OSBPL6: variants seen among roughly 807,000 people sequenced by gnomAD.
OSBPL6 encodes the protein oxysterol-binding protein-related protein 6.
Under a neutral mutation model 125.8 loss-of-function variants are expected in OSBPL6, and 49 were observed. The ratio of observed to expected loss-of-function variants is 0.39; its 90% CI spans 0.31 to 0.49. The LOEUF is 0.49. OSBPL6 is among the 20% of genes least tolerant of loss of function. The pLI, the probability that OSBPL6 is intolerant of heterozygous loss-of-function variation, is 0.88. For synonymous variants in OSBPL6, 394 were observed against 391.8 expected (o/e 1.01, Z -0.07); for missense variants, 986 against 1,135.4 (o/e 0.87, Z 1.89).
At chr2:178,359,293 G>A (rs1369015913) in intron 12 of OSBPL6, among the ~76,000 whole-genome samples, 1 of 152,126 alleles carries the variant, frequency 6.6e-6, no homozygotes, top group African/African-American at 2.4e-5. Flanking sequence ...TGACCAACAA[G>A]TACATAAAAA....
Position 178,399,517 on chromosome 2 carries a change from T to G in OSBPL6, c.*3958T>G, listed in dbSNP as rs769139410. On this transcript the variant is annotated 3_prime_UTR_variant, in exon 25 of 25. Transcript: ENST00000190611. ...CAAATTATCTAAGAAAGACTTAGCT[T>G]TATTACGTCCAAAATGAGATCTAAA... The G allele has an allele frequency of 3.3e-5, 5 of 152,222 alleles. No homozygotes were observed. Among genetic ancestry groups the G allele is most frequent in the Admixed American group, 6.5e-5 (1 of 15,280 alleles). 9.4% of individuals were successfully genotyped at this position (152,222 alleles called of 1,614,324 possible).
At chr2:178,351,990 A>C (rs1040166609) in intron 12 of OSBPL6, among the ~76,000 whole-genome samples, 7 of 152,206 alleles carry the variant, frequency 4.6e-5, no homozygotes, top group African/African-American at 1.7e-4. Context: ...CCAAACCTAA[A>C]ATAACAGCTA....
At chr2:178,317,437 CAT>C (rs6147046) in intron 3 of OSBPL6, among the ~76,000 whole-genome samples, 2,728 of 106,158 alleles carry the variant, frequency 0.026, 17 homozygotes, top group African/African-American at 0.034. Flanking sequence ...ACTTAGACAC[CAT>C]ATATATATAT....
chr2:178,320,791 T>C (rs1478263056), intron 3 of OSBPL6, among the ~76,000 whole-genome samples: 1 of 152,248 alleles, frequency 6.6e-6, no homozygotes, highest in Non-Finnish European at 1.5e-5. Context: ...ATTAATCCGC[T>C]AGATTTTCCT....
At chr2:178,288,692 A>C (rs567619850) in intron 2 of OSBPL6, among the ~76,000 whole-genome samples, 2 of 150,190 alleles carry the variant, frequency 1.3e-5, no homozygotes, top group Admixed American at 6.7e-5. Context: ...CTTGTTGCCT[A>C]GGCTGGAATG....
chr2:178,238,940 G>A (rs1246681905), intron 1 of OSBPL6, among the ~76,000 whole-genome samples: 1 of 152,196 alleles, frequency 6.6e-6, no homozygotes, highest in African/African-American at 2.4e-5. Flanking sequence ...CCTCCATGTG[G>A]ATGATTTCCA....
At chr2:178,321,742 A>G (rs545775253) in intron 3 of OSBPL6, among the ~76,000 whole-genome samples, 135 of 152,330 alleles carry the variant, frequency 8.9e-4, no homozygotes, top group Non-Finnish European at 1.6e-3. Context: ...TAACAAATAC[A>G]TACATTAGTG....
chr2:178,370,678 C>T (rs1341038132), intron 13 of OSBPL6, among the ~76,000 whole-genome samples: 2 of 152,106 alleles, frequency 1.3e-5, no homozygotes, highest in South Asian at 2.1e-4. Flanking sequence ...TTTCTCAGAT[C>T]GTCAGAGACA....
intron 2 of OSBPL6, among the ~76,000 whole-genome samples, chr2:178,287,628 G>T (rs1223827720): frequency 6.6e-6 from 1 of 152,034 alleles, no homozygotes; most frequent in African/African-American, 2.4e-5. Context: ...TTTTGAAGGG[G>T]AATTTCAGGT....
rs1696004184 is a variant in OSBPL6 at position 178,398,851 on chromosome 2, G to A, written c.*3292G>A. The A allele has an allele frequency of 3.3e-5, 5 of 152,236 alleles. No individual in the cohort carries two copies. Among genetic ancestry groups the A allele is most frequent in the Admixed American group, 3.3e-4 (5 of 15,286 alleles). 9.4% of individuals were successfully genotyped at this position (152,236 alleles called of 1,614,324 possible). ...GCAGTGGCTTGGGGGCTGGATTTAG[G>A]GAGGAAAACCTGATTAAACTGTTTT... On this transcript the variant is annotated 3_prime_UTR_variant, in exon 25 of 25. Transcript: ENST00000190611.
At chr2:178,316,386 T>C (rs940434947) in intron 3 of OSBPL6, among the ~76,000 whole-genome samples, 2 of 152,202 alleles carry the variant, frequency 1.3e-5, no homozygotes, top group African/African-American at 4.8e-5. Flanking sequence ...ATTTTTATAG[T>C]GGTAAAAAAA....
chr2:178,204,483 A>G (rs1322377900), intron 1 of OSBPL6, among the ~76,000 whole-genome samples: 1 of 151,032 alleles, frequency 6.6e-6, no homozygotes, highest in Non-Finnish European at 1.5e-5. Context: ...ACTGCTGGAA[A>G]CTCACTCAAG....
intron 2 of OSBPL6, among the ~76,000 whole-genome samples, chr2:178,287,282 T>C (rs1443664046): frequency 6.6e-6 from 1 of 152,154 alleles, no homozygotes; most frequent in Non-Finnish European, 1.5e-5. Context: ...GGTATCCATT[T>C]CTCCCCCCTA....
At chr2:178,282,254 A>G (rs1279955355) in intron 1 of OSBPL6, among the ~76,000 whole-genome samples, 1 of 151,228 alleles carries the variant, frequency 6.6e-6, no homozygotes, top group Admixed American at 6.6e-5. Flanking sequence ...ATAGGCAGGT[A>G]GCCAAGGACA....
At chr2:178,263,836 TGC>T (rs760526096) in intron 1 of OSBPL6, among the ~76,000 whole-genome samples, 3 of 151,042 alleles carry the variant, frequency 2.0e-5, no homozygotes, top group Admixed American at 6.6e-5. Context: ...TGTGTGTGTG[TGC>T]GTGTACACAG....
rs1024960283 is a variant in OSBPL6, at chr2:178,316,226, C to T, written c.103-7951C>T. Among the ~76,000 whole-genome samples the T allele has an allele frequency of 2.0e-5, 3 of 152,218 alleles. No individual in the cohort carries two copies. In the South Asian group the frequency reaches 6.2e-4, roughly 32 times the overall value. On this transcript the variant is annotated intron_variant, in intron 3 of 24. Transcript: ENST00000190611. ...CTGCTAAGCATGTTAATTGATTTAGCTTTTTTGGAGTGAAATTTAGTGATA... is the reference window on the plus strand; with the variant it reads ...CTGCTAAGCATGTTAATTGATTTAGTTTTTTTGGAGTGAAATTTAGTGATA...
chr2:178,347,458 C>G (rs752814663), intron 11 of OSBPL6, among the ~76,000 whole-genome samples: 11 of 152,182 alleles, frequency 7.2e-5, no homozygotes, highest in Non-Finnish European at 1.3e-4. Context: ...ACATCCTAAT[C>G]TCCAGCAACT....
intron 1 of OSBPL6, among the ~76,000 whole-genome samples, chr2:178,227,829 G>T (rs1559137398): frequency 6.6e-6 from 1 of 152,194 alleles, no homozygotes; most frequent in Non-Finnish European, 1.5e-5. Flanking sequence ...GTTCAAGATG[G>T]TTGTTACCTC....
intron 1 of OSBPL6, among the ~76,000 whole-genome samples, chr2:178,247,514 A>G (rs1410223078): frequency 6.6e-6 from 1 of 152,096 alleles, no homozygotes; most frequent in African/African-American, 2.4e-5. Context: ...GTGGCCCAGG[A>G]CAGTGCTGGT....
Sources: gnomAD v4.1 joint callset for allele counts (sites outside exome capture counted in the v4.1 genomes callset) on GRCh38, gnomAD v4.1.1 for gene constraint, MANE v1.5 for transcripts, NCBI Gene and HGNC (gene_info 2026-07-23, HGNC 2026-07-21) for gene names.